KCNN3: variants seen among roughly 807,000 people sequenced by gnomAD.
KCNN3 encodes the protein small conductance calcium-activated potassium channel protein 3.
KCNN3 carries 16 observed loss-of-function variants against 62.9 expected under a neutral mutation model. That is an observed-to-expected ratio of 0.25 (90% CI 0.17 to 0.39). KCNN3 has a LOEUF of 0.39. Ranked by LOEUF, KCNN3 falls within the 10% of genes least tolerant of loss-of-function variation. The probability of loss-of-function intolerance (pLI) is 1.00; values close to 1 mark genes in which losing one functional copy is unlikely to be tolerated. For synonymous variants in KCNN3, 370 were observed against 389.2 expected (o/e 0.95, Z 0.58); for missense variants, 599 against 949.4 (o/e 0.63, Z 4.85).
chr1:154,816,509 C>A (rs1650672937), intron 2 of KCNN3, among the ~76,000 whole-genome samples: 1 of 152,204 alleles, frequency 6.6e-6, no homozygotes, highest in African/African-American at 2.4e-5. Context: ...AGGGACGGCA[C>A]CTCCCATCCC....
At chr1:154,864,248 G>A (rs995997568) in intron 1 of KCNN3, among the ~76,000 whole-genome samples, 1 of 152,188 alleles carries the variant, frequency 6.6e-6, no homozygotes, top group Non-Finnish European at 1.5e-5. Context: ...TTCCACCATG[G>A]CCTGAAACAC....
chr1:154,766,484 A>C, intron 3 of KCNN3, among the ~76,000 whole-genome samples: 1 of 127,412 alleles, frequency 7.8e-6, no homozygotes, highest in East Asian at 2.2e-4. Flanking sequence ...CCCATGGATC[A>C]CTGTGCGTGT....
chr1:154,793,981 C>T (rs1172157142), intron 2 of KCNN3, among the ~76,000 whole-genome samples: 1 of 152,226 alleles, frequency 6.6e-6, no homozygotes, highest in African/African-American at 2.4e-5. Context: ...GTGCACAGCA[C>T]TGTCCCAGGG....
chr1:154,833,258 C>G (rs1045248572), intron 1 of KCNN3, among the ~76,000 whole-genome samples: 1 of 152,210 alleles, frequency 6.6e-6, no homozygotes, highest in African/African-American at 2.4e-5. Flanking sequence ...CATCCCCCAA[C>G]CCCGGCAATG....
intron 3 of KCNN3, among the ~76,000 whole-genome samples, chr1:154,747,410 T>C (rs549124572): frequency 4.6e-5 from 7 of 152,270 alleles, no homozygotes; most frequent in African/African-American, 1.7e-4. Flanking sequence ...AGAGGGGACG[T>C]TCTCAGCCTC....
At position 154,799,089 on chromosome 1, in the gene KCNN3, G is replaced by A. The variant is rs1353574462; in HGVS notation, c.1029+23000C>T. ...GCACAACCATGCCTGGCTAATTTTT[G>A]TATTTTTAGTAGAGATGGGGTTTCA... On this transcript the variant is annotated intron_variant, in intron 2 of 7. Coordinates refer to ENST00000271915, the MANE Select transcript of KCNN3 (RefSeq NM_002249.6). 2.6e-5 allele frequency among the ~76,000 whole-genome samples: 4 copies of A among 151,978 alleles called. No individual in the cohort carries two copies. In the East Asian group the frequency reaches 7.7e-4, roughly 29 times the overall value.
intron 2 of KCNN3, among the ~76,000 whole-genome samples, chr1:154,787,899 T>A (rs1336147889): frequency 6.6e-6 from 1 of 152,138 alleles, no homozygotes; most frequent in Non-Finnish European, 1.5e-5. Flanking sequence ...GGTAGGTACA[T>A]CCCTAAGCCT....
intron 1 of KCNN3, among the ~76,000 whole-genome samples, chr1:154,858,863 T>C (rs1652641338): frequency 6.6e-6 from 1 of 151,852 alleles, no homozygotes; most frequent in African/African-American, 2.4e-5. Context: ...AGCCACCGCA[T>C]AACTTCTATG....
intron 2 of KCNN3, among the ~76,000 whole-genome samples, chr1:154,797,418 G>T (rs930741215): frequency 6.6e-6 from 1 of 152,156 alleles, no homozygotes; most frequent in South Asian, 2.1e-4. Context: ...AGTACATAGC[G>T]AAAGGAAGTA....
intron 3 of KCNN3, among the ~76,000 whole-genome samples, chr1:154,759,618 T>C (rs1421810259): frequency 6.6e-6 from 1 of 152,174 alleles, no homozygotes; most frequent in East Asian, 1.9e-4. Context: ...TAACTGTCAC[T>C]GTGTACCATC....
chr1:154,856,746 G>A (rs763948521), intron 1 of KCNN3, among the ~76,000 whole-genome samples: 2 of 152,184 alleles, frequency 1.3e-5, no homozygotes, highest in Non-Finnish European at 2.9e-5. Context: ...CACTGAGACA[G>A]CTTCCCAAAG....
At chr1:154,826,051 AAAAAC>A (rs1225904464) in intron 1 of KCNN3, among the ~76,000 whole-genome samples, 2 of 58,838 alleles carry the variant, frequency 3.4e-5, no homozygotes, top group African/African-American at 2.6e-4. Flanking sequence ...CATCTTAAAA[AAAAAC>A]AAAAACAAAA....
chr1:154,769,164 A>G (rs546331187), intron 3 of KCNN3, among the ~76,000 whole-genome samples: 89 of 152,226 alleles, frequency 5.8e-4, no homozygotes, highest in Non-Finnish European at 9.9e-4. Context: ...ATGCCCCTCC[A>G]GGACCCGGGC....
intron 4 of KCNN3, among the ~76,000 whole-genome samples, chr1:154,730,644 A>T (rs1700571982): frequency 6.6e-6 from 1 of 152,148 alleles, no homozygotes; most frequent in Non-Finnish European, 1.5e-5. Flanking sequence ...TGGGTGAAAA[A>T]CACTGACAAT....
chr1:154,745,366 C>T (rs1205594899), intron 3 of KCNN3, among the ~76,000 whole-genome samples: 2 of 152,212 alleles, frequency 1.3e-5, no homozygotes, highest in Non-Finnish European at 2.9e-5. Context: ...TCTGTGAAAA[C>T]GAGAGTTTGG....
In KCNN3 at chr1:154,703,166, CAGG is replaced by C. The variant is rs1359901158; in HGVS notation, c.*4807_*4809del. 2.6e-5 allele frequency: 4 copies of C among 152,104 alleles called. No homozygotes were observed. Among genetic ancestry groups the C allele is most frequent in the Non-Finnish European group, 5.9e-5 (4 of 68,032 alleles). 9.4% of individuals were successfully genotyped at this position (152,104 alleles called of 1,614,324 possible). A position where few individuals can be genotyped will look rare whatever the true frequency, so the allele number is the denominator to read the frequency against. ...AAAAATCTACATATTACTCGTCTAA[CAGG>C]AGTTTAACATTAATTTCTATTCATG... On this transcript the variant is annotated 3_prime_UTR_variant, in exon 8 of 8. Transcript: ENST00000271915.
chr1:154,858,737 T>G (rs1276450467), intron 1 of KCNN3, among the ~76,000 whole-genome samples: 1 of 90,060 alleles, frequency 1.1e-5, no homozygotes, highest in Non-Finnish European at 3.0e-5. Flanking sequence ...GTCATGTAAC[T>G]TTTTTTTTTT....
At chr1:154,814,591 T>A (rs1190597820) in intron 2 of KCNN3, among the ~76,000 whole-genome samples, 1 of 152,096 alleles carries the variant, frequency 6.6e-6, no homozygotes, top group East Asian at 1.9e-4. Context: ...GGCAAAAAGG[T>A]GAAGGCGGCC....
chr1:154,742,494 G>T (rs1700843033), intron 3 of KCNN3, among the ~76,000 whole-genome samples: 2 of 152,138 alleles, frequency 1.3e-5, no homozygotes, highest in Admixed American at 1.3e-4. Flanking sequence ...TACTGTGAGG[G>T]TTAAAGGAGC....
Sources: allele counts gnomAD v4.1 joint callset (sites outside exome capture counted in the v4.1 genomes callset), GRCh38; gene constraint gnomAD v4.1.1; transcripts MANE v1.5; gene names NCBI Gene and HGNC (gene_info 2026-07-23, HGNC 2026-07-21).